Variants in CDH22 observed in about 807,000 individuals in gnomAD.
CDH22 encodes cadherin 22.
In CDH22, 30 loss-of-function variants were observed where a neutral mutation model predicts 58.4. The observed-to-expected ratio is 0.51, with a 90% CI of 0.38 to 0.70. The LOEUF (loss-of-function observed/expected upper bound fraction) is 0.70. CDH22 is among the 30% of genes least tolerant of loss of function. The pLI, the probability that CDH22 is intolerant of heterozygous loss-of-function variation, is 0.00. For synonymous variants in CDH22, 513 were observed against 558.2 expected, an observed-to-expected ratio of 0.92 and a Z score of 1.14; for missense variants, 1,014 against 1,233.9, an observed-to-expected ratio of 0.82 and a Z score of 2.67.
chr20:46,189,044 G>C (rs867826539), intron 8 of CDH22, among the ~76,000 whole-genome samples: 21 of 152,188 alleles, frequency 1.4e-4, no homozygotes, highest in African/African-American at 4.6e-4. Flanking sequence ...GTGTGCTGAC[G>C]GCAGCTGCTC....
At chr20:46,254,789 G>T (rs1424466841) in intron 1 of CDH22, among the ~76,000 whole-genome samples, 1 of 152,150 alleles carries the variant, frequency 6.6e-6, no homozygotes, top group African/African-American at 2.4e-5. Flanking sequence ...GTGGCATTGG[G>T]CTGAGTCTGG....
intron 2 of CDH22, among the ~76,000 whole-genome samples, chr20:46,245,218 G>C (rs1600714425): frequency 6.6e-6 from 1 of 152,254 alleles, no homozygotes; most frequent in Non-Finnish European, 1.5e-5. Context: ...CTGACCCACT[G>C]GAGATCCAGG....
chr20:46,178,130 C>T lies in CDH22; in HGVS notation c.1731G>A (p.Leu577=), dbSNP rs2085754560. The T allele has an allele frequency of 6.2e-7, 1 of 1,613,930 alleles. No individual in the cohort carries two copies. ...FNRQEQDVFF[L]PILVVDSGPP... Reference sequence around the variant, plus strand: ...GCCCACTGTCTACCACCAGGATGGGCAGGAAGAACACGTCCTGCTCCTGCC... The same window carrying T: ...GCCCACTGTCTACCACCAGGATGGGTAGGAAGAACACGTCCTGCTCCTGCC... The change falls in exon 11 of 12, where the codon CTG becomes CTA. Residue 577 remains leucine, a synonymous_variant. Transcript: ENST00000537909.
At chr20:46,296,740 C>G (rs1260249824) in intron 1 of CDH22, among the ~76,000 whole-genome samples, 1 of 152,102 alleles carries the variant, frequency 6.6e-6, no homozygotes, top group Non-Finnish European at 1.5e-5. Flanking sequence ...CAGGGAGCCA[C>G]TGCTGTCTTA....
chr20:46,287,947 T>C (rs551321516), intron 1 of CDH22, among the ~76,000 whole-genome samples: 1 of 152,064 alleles, frequency 6.6e-6, no homozygotes, highest in South Asian at 2.1e-4. Flanking sequence ...GGGCTATTTC[T>C]AGAGACATAC....
intron 3 of CDH22, 61 bp from the exon 4 acceptor site, chr20:46,227,688 C>T: frequency 6.5e-7 from 1 of 1,545,990 alleles, no homozygotes; most frequent in Non-Finnish European, 8.7e-7. Flanking sequence ...CGTTCCCCCA[C>T]TTCGCCTCAC....
intron 1 of CDH22, among the ~76,000 whole-genome samples, chr20:46,275,205 G>A (rs573921592): frequency 1.4e-4 from 22 of 152,214 alleles, no homozygotes; most frequent in Admixed American, 6.5e-4. Context: ...CACCCTGTCC[G>A]CTCCCCCTCT....
At position 46,276,883 on chromosome 20, in the gene CDH22, G is replaced by A. The variant is rs150244057; in HGVS notation, c.-399-25190C>T. Among the ~76,000 whole-genome samples, 16 of 152,330 alleles carry A rather than the reference G, an allele frequency of 1.1e-4. No homozygotes were observed. In the East Asian group the frequency reaches 2.9e-3, roughly 28 times the overall value. On this transcript the variant is annotated intron_variant, in intron 1 of 11. Transcript: ENST00000537909. ...TGTCAAATGGATGGTTTATTTTGCG[G>A]GTCTGGAATCCAAAGAAGAAATCAA...
intron 1 of CDH22, among the ~76,000 whole-genome samples, chr20:46,292,921 T>C (rs2145778296): frequency 6.7e-6 from 1 of 149,910 alleles, no homozygotes; most frequent in African/African-American, 2.5e-5. Flanking sequence ...ACTGGTTGTG[T>C]GTGTGTGTGT....
chr20:46,301,939 G>C (rs1388038065), intron 1 of CDH22, among the ~76,000 whole-genome samples: 4 of 152,188 alleles, frequency 2.6e-5, no homozygotes, highest in Non-Finnish European at 5.9e-5. Flanking sequence ...CTGGGCTCCT[G>C]GACAGGAGGT....
chr20:46,176,305 T>C lies in CDH22; in HGVS notation c.1916-1228A>G, dbSNP rs191298709. On this transcript the variant is annotated intron_variant, in intron 11 of 11. Coordinates refer to ENST00000537909, the MANE Select transcript of CDH22 (RefSeq NM_021248.3). ...CCTGAAATCTAGATTGTACATTCAA[T>C]TTCCTACTCAACACGCCCTCTTGTT... Among the ~76,000 whole-genome samples the C allele has an allele frequency of 4.8e-4, 73 of 152,324 alleles. 1 individual carries two copies. The Middle Eastern group carries it at 0.014, about 28-fold the overall frequency.
intron 4 of CDH22, among the ~76,000 whole-genome samples, chr20:46,224,908 G>T (rs572656389): frequency 1.3e-5 from 2 of 152,342 alleles, no homozygotes; most frequent in East Asian, 1.9e-4. Flanking sequence ...AAGAAAGGGC[G>T]CAGGCTTTTG....
rs1462539013 is a variant in CDH22, at chr20:46,224,523, GGTGTT to G, written c.670+2980_670+2984del. Among the ~76,000 whole-genome samples, 17 of 152,298 alleles carry G rather than the reference GGTGTT, an allele frequency of 1.1e-4. No individual in the cohort carries two copies. The East Asian group carries it at 2.9e-3, about 26-fold the overall frequency. On this transcript the variant is annotated intron_variant, in intron 4 of 11. Transcript: ENST00000537909. ...TTCACATGGCCTGCTAGAAGTTCTA[GGTGTT>G]TCTTTCCCTGTTTTCGCTCATCTTA...
At chr20:46,254,734 G>A (rs912326861) in intron 1 of CDH22, among the ~76,000 whole-genome samples, 3 of 152,098 alleles carry the variant, frequency 2.0e-5, no homozygotes, top group Non-Finnish European at 4.4e-5. Context: ...GAGTGAGTGC[G>A]TTGTTAAAGA....
intron 1 of CDH22, among the ~76,000 whole-genome samples, chr20:46,272,776 A>G (rs570585271): frequency 6.6e-6 from 1 of 152,284 alleles, no homozygotes; most frequent in Non-Finnish European, 1.5e-5. Context: ...GAAACAAGGG[A>G]TGTCATTTGT....
chr20:46,218,019 G>C (rs1469279504), intron 4 of CDH22, among the ~76,000 whole-genome samples: 1 of 151,964 alleles, frequency 6.6e-6, no homozygotes, highest in East Asian at 1.9e-4. Context: ...CTCCTCCCGG[G>C]TTCAAGCAAC....
intron 7 of CDH22, among the ~76,000 whole-genome samples, chr20:46,201,041 G>A (rs1199202562): frequency 6.6e-6 from 1 of 152,222 alleles, no homozygotes. Flanking sequence ...TTTGTGTGGC[G>A]GCTCCAGGCC....
At chr20:46,229,179 C>T (rs758079786) in intron 3 of CDH22, among the ~76,000 whole-genome samples, 13 of 152,126 alleles carry the variant, frequency 8.5e-5, no homozygotes, top group Non-Finnish European at 1.6e-4. Flanking sequence ...CTCCAGGTGC[C>T]TCTTGCTGGA....
In CDH22 at chr20:46,301,503, A is replaced by AT. The variant is rs1341030812; in HGVS notation, c.-400+6751_-400+6752insA. On this transcript the variant is annotated intron_variant, in intron 1 of 11. Coordinates refer to ENST00000537909, the MANE Select transcript of CDH22 (RefSeq NM_021248.3). ...TTTATCTGTAACTTGCCTATTAAAA[A>AT]AATATATATATATATGTATATATAT... Among the ~76,000 whole-genome samples the AT allele has an allele frequency of 2.5e-3, 343 of 138,522 alleles. 7 individuals carry two copies. The highest frequency in any genetic ancestry group is 3.5e-3 in the Middle Eastern group (1 of 284). The allele number at this position is 138,522 out of a possible 152,430, so 90.9% of individuals were successfully genotyped here.
Sources: gnomAD v4.1 joint callset for allele counts (sites outside exome capture counted in the v4.1 genomes callset) on GRCh38, gnomAD v4.1.1 for gene constraint, MANE v1.5 for transcripts, NCBI Gene and HGNC (gene_info 2026-07-23, HGNC 2026-07-21) for gene names.